Variants in SYNDIG1 observed in about 807,000 individuals in gnomAD.
SYNDIG1 encodes synapse differentiation inducing 1, also known as synapse differentiation-inducing gene protein 1.
In SYNDIG1, 9 loss-of-function variants were observed where a neutral mutation model predicts 19.4. The observed-to-expected ratio is 0.46, with a 90% confidence interval of 0.28 to 0.81. The LOEUF is 0.81. Ranked by LOEUF, SYNDIG1 falls within the 30% of genes least tolerant of loss-of-function variation. The pLI is 0.12. For synonymous variants in SYNDIG1, 141 were observed against 145.9 expected, an observed-to-expected ratio of 0.97 and a Z score of 0.24; for missense variants, 311 against 343.3, an observed-to-expected ratio of 0.91 and a Z score of 0.74.
chr20:24,594,180 C>A (rs2058558215), intron 3 of SYNDIG1, among the ~76,000 whole-genome samples: 2 of 152,118 alleles, frequency 1.3e-5, no homozygotes, highest in Non-Finnish European at 2.9e-5. Flanking sequence ...ACATTTAAGT[C>A]TTTAATCCAT....
chr20:24,649,136 C>T (rs11904965), intron 3 of SYNDIG1, among the ~76,000 whole-genome samples: 2,267 of 152,226 alleles, frequency 0.015, 77 homozygotes, highest in African/African-American at 0.052. Flanking sequence ...AAGGAAGCCT[C>T]CCCCAGGGAC....
intron 1 of SYNDIG1, among the ~76,000 whole-genome samples, chr20:24,506,087 C>G (rs1175912469): frequency 6.6e-6 from 1 of 152,216 alleles, no homozygotes; most frequent in Non-Finnish European, 1.5e-5. Context: ...CTCTCAAGTC[C>G]TGGCCCCAGT....
intron 3 of SYNDIG1, among the ~76,000 whole-genome samples, chr20:24,596,631 G>A (rs374695829): frequency 1.3e-5 from 2 of 152,038 alleles, no homozygotes; most frequent in African/African-American, 4.8e-5. Flanking sequence ...AGACCGCCTC[G>A]GCCTCCCAAA....
intron 3 of SYNDIG1, among the ~76,000 whole-genome samples, chr20:24,613,664 G>C (rs1048745149): frequency 6.6e-6 from 1 of 152,262 alleles, no homozygotes; most frequent in South Asian, 2.1e-4. Context: ...AGCCCACACA[G>C]AGCCAGCTCC....
chr20:24,508,374 G>C (rs537287931), intron 1 of SYNDIG1, among the ~76,000 whole-genome samples: 1 of 151,764 alleles, frequency 6.6e-6, no homozygotes, highest in Non-Finnish European at 1.5e-5. Flanking sequence ...GATTACAGGC[G>C]TGCACCACTA....
At chr20:24,483,542 C>T (rs1006969734) in intron 1 of SYNDIG1, among the ~76,000 whole-genome samples, 1 of 152,226 alleles carries the variant, frequency 6.6e-6, no homozygotes, top group Non-Finnish European at 1.5e-5. Context: ...TCCTGTACTT[C>T]CCCTGGGCAC....
At position 24,543,443 on chromosome 20, in the gene SYNDIG1, A is replaced by G. The variant is rs765718429; in HGVS notation, c.346A>G (p.Ile116Val). ...VAADCCETTF[I>V]EDRSPTKDSL... is the part of the protein sequence containing the mutation. ...CGCCGACTGCTGCGAGACCACCTTC[A>G]TCGAGGACCGGTCGCCCACCAAAGA... The change falls in exon 2 of 4, where the codon ATC becomes GTC. Residue 116 changes from isoleucine to valine, a missense_variant. By Grantham distance (29) the Ile-to-Val change is conservative. Transcript: ENST00000376862. 4.3e-6 allele frequency: 7 copies of G among 1,613,462 alleles called. No homozygotes were observed. The highest frequency in any genetic ancestry group is 5.1e-6 in the Non-Finnish European group (6 of 1,180,020).
intron 1 of SYNDIG1, among the ~76,000 whole-genome samples, chr20:24,535,804 G>A (rs965710659): frequency 4.6e-5 from 7 of 152,120 alleles, no homozygotes; most frequent in African/African-American, 1.4e-4. Context: ...AAGCATACAA[G>A]CATGAGACCC....
intron 1 of SYNDIG1, among the ~76,000 whole-genome samples, chr20:24,522,329 G>A (rs754510092): frequency 9.2e-5 from 14 of 152,074 alleles, no homozygotes; most frequent in Non-Finnish European, 1.9e-4. Flanking sequence ...AGCTCCAAGC[G>A]ATCCTCCCAC....
intron 1 of SYNDIG1, among the ~76,000 whole-genome samples, chr20:24,472,131 A>G (rs1208507293): frequency 1.3e-5 from 2 of 152,210 alleles, no homozygotes; most frequent in Non-Finnish European, 2.9e-5. Context: ...AGGTGATATT[A>G]AAATAAAAAT....
At chr20:24,584,711 G>A (rs1027677998) in intron 2 of SYNDIG1, 145 bp from the exon 3 acceptor site, 6 of 1,099,902 alleles carry the variant, frequency 5.5e-6, no homozygotes, top group Admixed American at 4.2e-5. Context: ...CAGCAATAAC[G>A]ATGACTCGAA....
Position 24,666,237 on chromosome 20 carries a change from C to G in SYNDIG1, c.*733C>G, listed in dbSNP as rs1445689058. 3 of 152,700 alleles carry G rather than the reference C, an allele frequency of 2.0e-5. No individual in the cohort carries two copies. The highest frequency in any genetic ancestry group is 7.2e-5 in the African/African-American group (3 of 41,458). The allele number at this position is 152,700 out of a possible 1,614,324, so 9.5% of individuals were successfully genotyped here. A position where few individuals can be genotyped will look rare whatever the true frequency, so the allele number is the denominator to read the frequency against. On this transcript the variant is annotated 3_prime_UTR_variant, in exon 4 of 4. Transcript: ENST00000376862. ...CTAGGATGGGGAGGCAGGCCACCGC[C>G]CCTCCCAAGACTCCTCAAGAAAGAG...
chr20:24,522,523 T>C (rs956521219), intron 1 of SYNDIG1, among the ~76,000 whole-genome samples: 3 of 152,174 alleles, frequency 2.0e-5, no homozygotes, highest in African/African-American at 7.2e-5. Context: ...TCCCCACTTC[T>C]CCCAACTTCT....
intron 1 of SYNDIG1, among the ~76,000 whole-genome samples, chr20:24,514,180 G>A (rs1393825952): frequency 1.3e-5 from 2 of 152,194 alleles, no homozygotes; most frequent in Admixed American, 1.3e-4. Context: ...ATGCCAAATT[G>A]TAAAGACCAT....
chr20:24,496,655 A>T (rs1444084756), intron 1 of SYNDIG1, among the ~76,000 whole-genome samples: 2 of 152,166 alleles, frequency 1.3e-5, no homozygotes, highest in Non-Finnish European at 2.9e-5. Context: ...TACTTGGCTT[A>T]GTGAGATGAT....
At chr20:24,479,794 G>C (rs1038964602) in intron 1 of SYNDIG1, among the ~76,000 whole-genome samples, 1 of 152,032 alleles carries the variant, frequency 6.6e-6, no homozygotes, top group African/African-American at 2.4e-5. Flanking sequence ...TCCGCCTCTG[G>C]GGCGCTCCTC....
intron 1 of SYNDIG1, chr20:24,495,740 T>C (rs1422435702): frequency 1.3e-5 from 2 of 152,242 alleles, no homozygotes; most frequent in African/African-American, 2.4e-5. Flanking sequence ...GGTACTCACA[T>C]GGGATCACAT....
At chr20:24,651,245 C>T (rs2059471182) in intron 3 of SYNDIG1, among the ~76,000 whole-genome samples, 1 of 152,158 alleles carries the variant, frequency 6.6e-6, no homozygotes. Flanking sequence ...AGCATAGATC[C>T]TTACCAGGGC....
chr20:24,538,534 A>G (rs1289596389), intron 1 of SYNDIG1, among the ~76,000 whole-genome samples: 3 of 152,188 alleles, frequency 2.0e-5, no homozygotes, highest in Admixed American at 1.3e-4. Context: ...TCAGATTTCA[A>G]CTATTATGAA....
Sources: allele counts gnomAD v4.1 joint callset (sites outside exome capture counted in the v4.1 genomes callset), GRCh38; gene constraint gnomAD v4.1.1; transcripts MANE v1.5; gene names NCBI Gene and HGNC (gene_info 2026-07-23, HGNC 2026-07-21).